The following FLRT3 variants were observed in gnomAD, a reference collection of about 807,000 sequenced individuals.
FLRT3 encodes fibronectin leucine rich transmembrane protein 3.
A neutral mutation model predicts 42.6 loss-of-function variants in FLRT3; 17 were observed. The observed-to-expected ratio is 0.40, with a 90% CI of 0.27 to 0.60. The LOEUF (loss-of-function observed/expected upper bound fraction) is 0.60, where lower values mean the gene tolerates loss of function less well. Ranked by LOEUF, FLRT3 falls within the 20% of genes least tolerant of loss-of-function variation. FLRT3 has a pLI of 0.44. For synonymous variants in FLRT3, 279 were observed against 286.4 expected (o/e 0.97, Z 0.26); for missense variants, 635 against 789.2 (o/e 0.80, Z 2.34).
chr20:14,325,080 A>C lies in FLRT3; in HGVS notation c.*477T>G, dbSNP rs1477113437. 1 of 152,692 alleles carries C rather than the reference A, an allele frequency of 6.5e-6. No individual in the cohort carries two copies. The highest frequency in any genetic ancestry group is 2.4e-5 in the African/African-American group (1 of 41,450). The allele number at this position is 152,692 out of a possible 1,614,324, so 9.5% of individuals were successfully genotyped here. ...AACATTATTTCATAACCATTTTTTA[A>C]AATTAAATTTTATCTCATTCAGCCA... is the stretch of plus-strand genomic sequence containing the variant. On this transcript the variant is annotated 3_prime_UTR_variant, in exon 3 of 3. Transcript: ENST00000341420.
chr20:14,331,063 C>T (rs78733193), intron 1 of FLRT3, among the ~76,000 whole-genome samples: 57 of 152,124 alleles, frequency 3.7e-4, no homozygotes, highest in Middle Eastern at 3.4e-3. Context: ...AAGAGTCAAG[C>T]ATTTCTGATA....
rs544515202 is a variant in FLRT3, at chr20:14,327,522, G to T, written c.-16C>A. 1.4e-5 allele frequency: 22 copies of T among 1,597,160 alleles called. No homozygotes were observed. In the South Asian group the frequency reaches 1.9e-4, roughly 14 times the overall value. Reference sequence around the variant, plus strand: ...CGCTGATCATGGTCAGCAGTGTTGAGGTCTTTATACAAGGTAGCTTCCGTT... The same window carrying T: ...CGCTGATCATGGTCAGCAGTGTTGATGTCTTTATACAAGGTAGCTTCCGTT... On this transcript the variant is annotated 5_prime_UTR_variant, in exon 3 of 3. Transcript: ENST00000341420.
At chr20:14,328,056 A>T (rs982971518) in intron 2 of FLRT3, among the ~76,000 whole-genome samples, 3 of 152,064 alleles carry the variant, frequency 2.0e-5, no homozygotes, top group Non-Finnish European at 4.4e-5. Flanking sequence ...AAAATGTCAT[A>T]AAAATACCTA....
intron 1 of FLRT3, among the ~76,000 whole-genome samples, chr20:14,330,237 A>T (rs1043915576): frequency 1.3e-5 from 2 of 152,054 alleles, no homozygotes; most frequent in Non-Finnish European, 2.9e-5. Context: ...ATTGAATTTA[A>T]TGTTGACTGC....
rs555716633 is a variant in FLRT3, at chr20:14,327,434, A to G, written c.73T>C (p.Ser25Pro). 126 of 1,613,584 alleles carry G rather than the reference A, an allele frequency of 7.8e-5. 1 individual carries two copies. In the South Asian group the frequency reaches 1.4e-3, roughly 17 times the overall value. ...IGLFLQVAPL[S>P]VMAKSCPSVC... ...GATGGACAGGATTTAGCCATAACTG[A>G]TAGAGGTGCTACTTGAAGGAACAGC... is the stretch of plus-strand genomic sequence containing the variant. Residue 25 changes from serine (S) to proline (P), a missense_variant, in exon 3 of 3, where the codon TCA (serine) becomes CCA (proline). By Grantham distance (74) the Ser-to-Pro change is moderately conservative (BLOSUM62 -1). Coordinates refer to ENST00000341420, the MANE Select transcript of FLRT3 (RefSeq NM_198391.3).
At chr20:14,337,106 T>C (rs961384738) in intron 1 of FLRT3, among the ~76,000 whole-genome samples, 1 of 152,232 alleles carries the variant, frequency 6.6e-6, no homozygotes, top group Non-Finnish European at 1.5e-5. Context: ...ATATTTAACA[T>C]TGAACTTTCC....
At chr20:14,336,186 CTTTA>C (rs1568565122) in intron 1 of FLRT3, among the ~76,000 whole-genome samples, 1 of 151,872 alleles carries the variant, frequency 6.6e-6, no homozygotes, top group Non-Finnish European at 1.5e-5. Flanking sequence ...TTTCTAGTGG[CTTTA>C]TTTATGTTGT....
At chr20:14,331,534 A>G (rs549815727) in intron 1 of FLRT3, among the ~76,000 whole-genome samples, 20 of 152,240 alleles carry the variant, frequency 1.3e-4, no homozygotes, top group African/African-American at 4.6e-4. Context: ...AAAAGGCAAA[A>G]ACATAAAACA....
chr20:14,336,186 C>T (rs948807342), intron 1 of FLRT3, among the ~76,000 whole-genome samples: 11 of 151,872 alleles, frequency 7.2e-5, no homozygotes, highest in Admixed American at 2.0e-4. Flanking sequence ...TTTCTAGTGG[C>T]TTTATTTATG....
chr20:14,332,410 A>G (rs957774116), intron 1 of FLRT3, among the ~76,000 whole-genome samples: 20 of 152,102 alleles, frequency 1.3e-4, no homozygotes, highest in Non-Finnish European at 2.8e-4. Flanking sequence ...CCCTGCTACT[A>G]CAATATTTTG....
intron 1 of FLRT3, among the ~76,000 whole-genome samples, chr20:14,334,101 A>G (rs1253346822): frequency 6.6e-6 from 1 of 152,212 alleles, no homozygotes; most frequent in Non-Finnish European, 1.5e-5. Context: ...ATGCATATGC[A>G]AAACAAATGA....
In FLRT3 at chr20:14,336,321, G is replaced by GA. The variant is rs894729997; in HGVS notation, c.-247+1082dup. Among the ~76,000 whole-genome samples the GA allele has an allele frequency of 1.7e-4, 25 of 147,974 alleles. No homozygotes were observed. In the East Asian group the frequency reaches 2.0e-3, roughly 12 times the overall value. ...CATTAGAGATTTTGGACTAAAAATT[G>GA]AAAAAAAAATCAATTTTTTTTCTTT... is the stretch of plus-strand genomic sequence containing the variant. On this transcript the variant is annotated intron_variant, in intron 1 of 2. Transcript: ENST00000341420.
intron 1 of FLRT3, among the ~76,000 whole-genome samples, chr20:14,336,878 G>A (rs187558809): frequency 6.6e-6 from 1 of 152,314 alleles, no homozygotes; most frequent in Non-Finnish European, 1.5e-5. Flanking sequence ...TTAAAATCTA[G>A]GTGTAGCTGT....
intron 1 of FLRT3, among the ~76,000 whole-genome samples, chr20:14,333,247 A>G (rs1303679899): frequency 3.9e-5 from 6 of 152,162 alleles, no homozygotes; most frequent in Non-Finnish European, 5.9e-5. Context: ...AAAATTTCCA[A>G]TGCTAAGTAT....
At chr20:14,336,375 A>G (rs1007251377) in intron 1 of FLRT3, among the ~76,000 whole-genome samples, 3 of 151,810 alleles carry the variant, frequency 2.0e-5, no homozygotes, top group Non-Finnish European at 4.4e-5. Context: ...ATAAAAACAA[A>G]CCCCCCAGAT....
chr20:14,325,626 G>C lies in FLRT3; in HGVS notation c.1881C>G (p.His627Gln), dbSNP rs769046158. Residue 627 changes from histidine (H) to glutamine (Q), a missense_variant, in exon 3 of 3, where the codon CAC (histidine) becomes CAG (glutamine). Coordinates refer to ENST00000341420, the MANE Select transcript of FLRT3 (RefSeq NM_198391.3). Reference protein sequence around the residue: ...PNGMNLYKNNHSESSSNRSYR... With the variant: ...PNGMNLYKNNQSESSSNRSYR... ...AGCTTCGGTTACTACTGCTTTCACT[G>C]TGATTGTTTTTGTACAGATTCATTC... The C allele has an allele frequency of 3.1e-6, 5 of 1,613,604 alleles. No homozygotes were observed. Among genetic ancestry groups the C allele is most frequent in the Non-Finnish European group, 4.2e-6 (5 of 1,179,684 alleles).
rs189133975 is a variant in FLRT3, at chr20:14,327,137, G to C, written c.370C>G (p.Leu124Val). The change falls in exon 3 of 3, where the codon CTT becomes GTT. Residue 124 changes from leucine to valine, a missense_variant. Leu to Val is a conservative substitution (Grantham distance 32). Coordinates refer to ENST00000341420, the MANE Select transcript of FLRT3 (RefSeq NM_198391.3). ...TCTTCCAGATAGGGAATTTTTGAAA[G>C]TGAATCATAAGTGATAGTCCTTATG... ...NNIRTITYDS[L>V]SKIPYLEELH... The C allele has an allele frequency of 6.2e-7, 1 of 1,613,772 alleles. No individual in the cohort carries two copies. The highest frequency in any genetic ancestry group is 1.3e-5 in the African/African-American group (1 of 74,998).
intron 1 of FLRT3, among the ~76,000 whole-genome samples, chr20:14,333,282 TG>T (rs1448214160): frequency 6.6e-6 from 1 of 152,220 alleles, no homozygotes; most frequent in East Asian, 1.9e-4. Flanking sequence ...TTTCTGTTAC[TG>T]GTTATTTTCC....
At position 14,326,645 on chromosome 20, in the gene FLRT3, G is replaced by A; in HGVS notation, c.862C>T (p.Gln288Ter). ...MSNNNLSNLPQGIFDDLDNIT... is the reference protein window; with the variant it reads ...MSNNNLSNLP ...TTGTCCAAATCATCAAAGATACCCTGAGGTAAATTACTTAGGTTATTATTG... is the reference window on the plus strand; with the variant it reads ...TTGTCCAAATCATCAAAGATACCCTAAGGTAAATTACTTAGGTTATTATTG... Residue 288 changes from glutamine (Q) to a stop codon, truncating the protein, a stop_gained, in exon 3 of 3, where the codon CAG becomes TAG. Coordinates refer to ENST00000341420, the MANE Select transcript of FLRT3 (RefSeq NM_198391.3). LOFTEE classifies it high-confidence loss of function. The surrounding 1 kb of genome is among the most constrained non-coding windows in gnomAD (Gnocchi z 5.5). 6.2e-7 allele frequency: 1 copy of A among 1,613,788 alleles called. No individual in the cohort carries two copies. The highest frequency in any genetic ancestry group is 8.5e-7 in the Non-Finnish European group (1 of 1,179,830).
Sources: allele counts gnomAD v4.1 joint callset (sites outside exome capture counted in the v4.1 genomes callset), GRCh38; gene constraint gnomAD v4.1.1; non-coding constraint Gnocchi (gnomAD v3.1); transcripts MANE v1.5; gene names NCBI Gene and HGNC (gene_info 2026-07-23, HGNC 2026-07-21).